Variants in SHPK observed in about 807,000 individuals in gnomAD.
The protein encoded by SHPK is carbohydrate kinase-like protein.
In SHPK, 51 loss-of-function variants were observed where a neutral mutation model predicts 46.3. The ratio of observed to expected loss-of-function variants is 1.10; its 90% CI spans 0.88 to 1.39. The LOEUF (loss-of-function observed/expected upper bound fraction) is 1.39, where lower values mean the gene tolerates loss of function less well. SHPK is among the 40% of genes most tolerant of loss of function. The probability of loss-of-function intolerance (pLI) is 0.00; values close to 1 mark genes in which losing one functional copy is unlikely to be tolerated. For synonymous variants in SHPK, 290 were observed against 273.9 expected (o/e 1.06, Z -0.58); for missense variants, 668 against 641.3 (o/e 1.04, Z -0.45).
intron 4 of SHPK, 47 bp downstream of exon 4, chr17:3,623,292 C>T (rs1422561190): frequency 1.2e-6 from 2 of 1,608,452 alleles, no homozygotes; most frequent in African/African-American, 1.3e-5. Context: ...CGGGGTTGCC[C>T]TTCAGATTGG....
Position 3,624,155 on chromosome 17 carries a change from A to G in SHPK, c.387T>C (p.Asp129=). The G allele has an allele frequency of 6.2e-7, 1 of 1,614,174 alleles. No homozygotes were observed. ...RAVSHLVTWQ[D]GRCSSEFLAS... is the part of the protein sequence containing the mutation. ...CCAGGAATTCGCTGCTACATCGGCC[A>G]TCCTGCCACGTGACCAGGTGGCTAA... is the stretch of plus-strand genomic sequence containing the variant. Residue 129 remains aspartate, a synonymous_variant, in exon 3 of 7, where the codon GAT becomes GAC. Coordinates refer to ENST00000225519, the MANE Select transcript of SHPK (RefSeq NM_013276.4).
At position 3,625,925 on chromosome 17, in the gene SHPK, T is replaced by C. The variant is rs553006550; in HGVS notation, c.311-1694A>G. On this transcript the variant is annotated intron_variant, in intron 2 of 6. Transcript: ENST00000225519. ...AAAATTAGCCAGGTGTGGTAGCGGG[T>C]GCCTGTAATCCCAGCTACTCCGGAG... Among the ~76,000 whole-genome samples the C allele has an allele frequency of 7.9e-5, 12 of 152,182 alleles. No homozygotes were observed. The East Asian group carries it at 1.7e-3, about 22-fold the overall frequency.
intron 2 of SHPK, among the ~76,000 whole-genome samples, chr17:3,626,017 C>T (rs1489509548): frequency 6.6e-6 from 1 of 152,076 alleles, no homozygotes; most frequent in African/African-American, 2.4e-5. Context: ...CGCACCACTG[C>T]ACTCCAGCCT....
chr17:3,628,274 A>C (rs1417138369), intron 2 of SHPK, among the ~76,000 whole-genome samples: 1 of 151,910 alleles, frequency 6.6e-6, no homozygotes, highest in African/African-American at 2.4e-5. Flanking sequence ...TATGCTGTTC[A>C]CAGTACTGTT....
Position 3,630,309 on chromosome 17 carries a change from A to G in SHPK, c.206T>C (p.Leu69Pro). 1 of 1,613,458 alleles carries G rather than the reference A, an allele frequency of 6.2e-7. No individual in the cohort carries two copies. The highest frequency in any genetic ancestry group is 8.5e-7 in the Non-Finnish European group (1 of 1,179,934). The change falls in exon 2 of 7, where the codon CTA becomes CCA. Residue 69 changes from leucine to proline, a missense_variant. Coordinates refer to ENST00000225519, the MANE Select transcript of SHPK (RefSeq NM_013276.4). Reference sequence around the variant, plus strand: ...GGGAAGGGCAGCAAGGCACTCGTGTAGGGCTTGGAGGATTCTACTCACATC... The same window carrying G: ...GGGAAGGGCAGCAAGGCACTCGTGTGGGGCTTGGAGGATTCTACTCACATC... ...EQDVSRILQA[L>P]HECLAALPRP...
At position 3,636,197 on chromosome 17, in the gene SHPK, A is replaced by T. The variant is rs1358496204; in HGVS notation, c.23T>A (p.Leu8His). ...AGATGTGGTGCCCAGGTCAATGCCG[A>T]GGGTGATCGGCCGCGCAGCCATTAT... MAARPIT[L>H]GIDLGTTSVK... Residue 8 changes from leucine to histidine, a missense_variant, in exon 1 of 7, where the codon CTC (leucine) becomes CAC (histidine). Leu to His is a moderately conservative substitution (Grantham distance 99, BLOSUM62 -3). Transcript: ENST00000225519. The T allele has an allele frequency of 6.2e-7, 1 of 1,606,400 alleles. No individual in the cohort carries two copies. The highest frequency in any genetic ancestry group is 8.5e-7 in the Non-Finnish European group (1 of 1,175,268).
intron 6 of SHPK, 21 bp downstream of exon 6, chr17:3,615,316 G>A (rs780370209): frequency 1.7e-5 from 28 of 1,610,852 alleles, no homozygotes; most frequent in Middle Eastern, 3.3e-4. Flanking sequence ...AGAACACAGC[G>A]CTGTGTGGGC....
At chr17:3,628,363 C>T (rs1474075110) in intron 2 of SHPK, among the ~76,000 whole-genome samples, 1 of 151,326 alleles carries the variant, frequency 6.6e-6, no homozygotes, top group African/African-American at 2.4e-5. Context: ...TGTTCTGTCG[C>T]CCAGGTTGGA....
chr17:3,634,540 C>T (rs1378870737), intron 1 of SHPK, among the ~76,000 whole-genome samples: 4 of 147,874 alleles, frequency 2.7e-5, no homozygotes, highest in Non-Finnish European at 5.9e-5. Context: ...CCACTGCACT[C>T]CAGCCTGGGT....
intron 2 of SHPK, among the ~76,000 whole-genome samples, chr17:3,629,661 G>A (rs2075458663): frequency 6.6e-6 from 1 of 150,470 alleles, no homozygotes; most frequent in African/African-American, 2.4e-5. Flanking sequence ...TCGGGAGGCA[G>A]AGGTTGCAGT....
chr17:3,611,722 T>C (rs1194868922), intron 6 of SHPK, among the ~76,000 whole-genome samples: 3 of 151,230 alleles, frequency 2.0e-5, no homozygotes, highest in African/African-American at 7.3e-5. Flanking sequence ...GAGTTGACCA[T>C]CCTACAACTT....
intron 1 of SHPK, among the ~76,000 whole-genome samples, chr17:3,634,797 C>G (rs1447530945): frequency 2.0e-5 from 3 of 151,992 alleles, no homozygotes; most frequent in Non-Finnish European, 2.9e-5. Flanking sequence ...TCCTGAAATC[C>G]CTATCCTCAG....
intron 5 of SHPK, among the ~76,000 whole-genome samples, chr17:3,617,442 G>A (rs1192958609): frequency 1.3e-5 from 2 of 152,116 alleles, no homozygotes; most frequent in Non-Finnish European, 2.9e-5. Flanking sequence ...GGTGCTGAAG[G>A]GAAGCTTCAG....
chr17:3,626,564 A>G (rs1036003579), intron 2 of SHPK, among the ~76,000 whole-genome samples: 1 of 150,906 alleles, frequency 6.6e-6, no homozygotes, highest in African/African-American at 2.4e-5. Context: ...AAAAATACCG[A>G]AAAAAAAATT....
chr17:3,632,770 C>T (rs972455207), intron 1 of SHPK, among the ~76,000 whole-genome samples: 14 of 152,058 alleles, frequency 9.2e-5, no homozygotes, highest in South Asian at 4.2e-4. Flanking sequence ...CTTTTTACAG[C>T]GGAGGAAACT....
Position 3,620,488 on chromosome 17 carries a change from G to C in SHPK, c.823+749C>G, listed in dbSNP as rs189539561. 1.1e-3 allele frequency among the ~76,000 whole-genome samples: 162 copies of C among 151,294 alleles called. 5 individuals are homozygous for C. The Middle Eastern group carries it at 0.021, about 19-fold the overall frequency. Reference sequence around the variant, plus strand: ...TCACCGTGTTAGCCAGGATGGTCTCGATCTCCTGACCTCGTGATCCACCTG... The same window carrying C: ...TCACCGTGTTAGCCAGGATGGTCTCCATCTCCTGACCTCGTGATCCACCTG... On this transcript the variant is annotated intron_variant, in intron 5 of 6. Coordinates refer to ENST00000225519, the MANE Select transcript of SHPK (RefSeq NM_013276.4).
chr17:3,622,615 G>A, intron 4 of SHPK: 1 of 984,358 alleles, frequency 1.0e-6, no homozygotes, highest in Non-Finnish European at 1.2e-6. Context: ...GAACTTACAG[G>A]GCACTGGACT....
chr17:3,622,605 G>A, intron 4 of SHPK: 1 of 984,650 alleles, frequency 1.0e-6, no homozygotes, highest in African/African-American at 1.7e-5. Context: ...TGAAGGAAGT[G>A]AACTTACAGG....
rs1555555999 is a variant in SHPK, at chr17:3,635,236, A to AGGAAGGAAGGGAGGGAAGGAAGGAAG, written c.168+815_168+816insCTTCCTTCCTTCCCTCCCTTCCTTCC. 1.9e-3 allele frequency among the ~76,000 whole-genome samples: 249 copies of AGGAAGGAAGGGAGGGAAGGAAGGAAG among 132,274 alleles called. 1 individual carries two copies. The highest frequency in any genetic ancestry group is 2.6e-3 in the Non-Finnish European group (154 of 59,782). 86.8% of individuals were successfully genotyped at this position (132,274 alleles called of 152,430 possible). A position where few individuals can be genotyped will look rare whatever the true frequency, so the allele number is the denominator to read the frequency against. ...AAGGAAGGAAGGAAGGAAGGAAGGA[A>AGGAAGGAAGGGAGGGAAGGAAGGAAG]GGAAGGAAGGGAAGGAAGGGAAGGA... is the stretch of plus-strand genomic sequence containing the variant. On this transcript the variant is annotated intron_variant, in intron 1 of 6. Coordinates refer to ENST00000225519, the MANE Select transcript of SHPK (RefSeq NM_013276.4).
Sources: gnomAD v4.1 joint callset for allele counts (sites outside exome capture counted in the v4.1 genomes callset) on GRCh38, gnomAD v4.1.1 for gene constraint, MANE v1.5 for transcripts, NCBI Gene and HGNC (gene_info 2026-07-23, HGNC 2026-07-21) for gene names.